Variants in ARHGAP29 observed in about 807,000 individuals in gnomAD.
ARHGAP29 encodes the protein Rho GTPase activating protein 29.
In ARHGAP29, 43 loss-of-function variants were observed where a neutral mutation model predicts 122.6. The ratio of observed to expected loss-of-function variants is 0.35; its 90% CI spans 0.27 to 0.45. ARHGAP29 has a LOEUF of 0.45. Ranked by LOEUF, ARHGAP29 falls within the 20% of genes least tolerant of loss-of-function variation. The probability of loss-of-function intolerance (pLI) is 1.00; values close to 1 mark genes in which losing one functional copy is unlikely to be tolerated. For synonymous variants in ARHGAP29, 506 were observed against 497.1 expected, an observed-to-expected ratio of 1.02 and a Z score of -0.24; for missense variants, 1,303 against 1,477.2, an observed-to-expected ratio of 0.88 and a Z score of 1.93.
rs746408620 is a variant in ARHGAP29, at chr1:94,231,568, CA to C, written c.43del (p.Trp15GlyfsTer20). ...KQKKTKKKRA[W>X]ASGQLSTDIT... ...ATCAGTAGAGAGTTGACCTGATGCCCAAGCACGTTTTTTCTTTGTCTTTTTC... is the reference window on the plus strand; with the variant it reads ...ATCAGTAGAGAGTTGACCTGATGCCCAGCACGTTTTTTCTTTGTCTTTTTC... On this transcript the variant is annotated frameshift_variant, in exon 2 of 23. Coordinates refer to ENST00000260526, the MANE Select transcript of ARHGAP29 (RefSeq NM_004815.4). LOFTEE classifies it high-confidence loss of function. 1.2e-6 allele frequency: 2 copies of C among 1,613,488 alleles called. No homozygotes were observed. Among genetic ancestry groups the C allele is most frequent in the Non-Finnish European group, 1.7e-6 (2 of 1,179,700 alleles).
At chr1:94,247,307 G>A (rs112996201) in intron 1 of ARHGAP29, among the ~76,000 whole-genome samples, 3,426 of 152,062 alleles carry the variant, frequency 0.023, 52 homozygotes, top group Non-Finnish European at 0.033. Context: ...GGGGAGTCCT[G>A]TAAGGGGAGG....
chr1:94,306,015 A>G, the ARHGAP29 span, among the ~76,000 whole-genome samples: 1 of 152,256 alleles, frequency 6.6e-6, no homozygotes, highest in East Asian at 1.9e-4. Flanking sequence ...CCAGCTTCCC[A>G]TAGCTGAAAG....
At chr1:94,222,796 T>C (rs529866231) in intron 2 of ARHGAP29, among the ~76,000 whole-genome samples, 2 of 152,296 alleles carry the variant, frequency 1.3e-5, no homozygotes, top group Admixed American at 1.3e-4. Context: ...ATACAGTGTA[T>C]AGGACTATAT....
upstream of ARHGAP29, among the ~76,000 whole-genome samples, chr1:94,276,257 CAAAA>C (rs76216097): frequency 1.6e-5 from 2 of 128,984 alleles, no homozygotes; most frequent in East Asian, 4.4e-4. Context: ...GACTCTGTCT[CAAAA>C]AAAAAAAAAG....
the ARHGAP29 span, chr1:94,302,409 G>T: frequency 5.6e-6 from 2 of 356,804 alleles, no homozygotes; most frequent in Non-Finnish European, 5.4e-6. Context: ...ATGCCCCCAC[G>T]TTCGTGATGG....
At chr1:94,220,169 G>A (rs368752493) in intron 3 of ARHGAP29, 89 bp downstream of exon 3, 10 of 1,384,520 alleles carry the variant, frequency 7.2e-6, no homozygotes, top group East Asian at 4.6e-5. Context: ...TGCAATGAGA[G>A]GAATTGGCTA....
chr1:94,245,696 C>A (rs1220476729), intron 1 of ARHGAP29, among the ~76,000 whole-genome samples: 1 of 152,092 alleles, frequency 6.6e-6, no homozygotes, highest in East Asian at 1.9e-4. Context: ...TACCTTGGGC[C>A]CCATCAATAT....
chr1:94,179,166 G>A (rs1649292338), intron 20 of ARHGAP29, among the ~76,000 whole-genome samples: 1 of 152,180 alleles, frequency 6.6e-6, no homozygotes, highest in South Asian at 2.1e-4. Context: ...CTGGCACACA[G>A]GAGGCATCTG....
chr1:94,246,427 GATTA>G (rs1183559474), intron 1 of ARHGAP29, among the ~76,000 whole-genome samples: 2 of 152,168 alleles, frequency 1.3e-5, no homozygotes, highest in African/African-American at 4.8e-5. Context: ...AATTCCCAAA[GATTA>G]ATAAAGAAAA....
chr1:94,185,028 T>C lies in ARHGAP29; in HGVS notation c.1953A>G (p.Glu651=). ...GATGACCACAAATAATGACTAAATT[T>C]TCCAAACACTTTCGATGACAAACAA... is the stretch of plus-strand genomic sequence containing the variant. The part of the protein sequence containing the change: ...CLLVCHRKCL[E]NLVIICGHQK... The change falls in exon 18 of 23, where the codon GAA becomes GAG. Residue 651 remains glutamate, a synonymous_variant. Coordinates refer to ENST00000260526, the MANE Select transcript of ARHGAP29 (RefSeq NM_004815.4). 6.2e-7 allele frequency: 1 copy of C among 1,612,056 alleles called. No individual in the cohort carries two copies. Among genetic ancestry groups the C allele is most frequent in the Non-Finnish European group, 8.5e-7 (1 of 1,179,402 alleles).
At chr1:94,270,623 C>T (rs1355569523) in intron 1 of ARHGAP29, among the ~76,000 whole-genome samples, 1 of 152,164 alleles carries the variant, frequency 6.6e-6, no homozygotes, top group Non-Finnish European at 1.5e-5. Flanking sequence ...ACACCAGCAC[C>T]TCTCCCTCAG....
chr1:94,210,880 C>T (rs935098014), intron 3 of ARHGAP29, among the ~76,000 whole-genome samples: 7 of 138,982 alleles, frequency 5.0e-5, no homozygotes, highest in Non-Finnish European at 3.1e-5. Flanking sequence ...TCCAGCCTGA[C>T]AGAGCAAAAC....
chr1:94,179,811 T>C lies in ARHGAP29; in HGVS notation c.2394A>G (p.Arg798=). 1 of 1,613,594 alleles carries C rather than the reference T, an allele frequency of 6.2e-7. No individual in the cohort carries two copies. The highest frequency in any genetic ancestry group is 8.5e-7 in the Non-Finnish European group (1 of 1,179,766). ...GAAGGTCTTTGCTTTTTAGAAGAAT[T>C]CGGTTTATTTCTATACACATATTTG... The part of the protein sequence containing the change: ...KWPNMCIEIN[R]ILLKSKDLLR... Residue 798 remains arginine (R), a synonymous_variant, in exon 20 of 23, where the codon CGA becomes CGG. Transcript: ENST00000260526.
At chr1:94,241,308 T>C (rs1373254261), upstream of ARHGAP29, among the ~76,000 whole-genome samples, 2 of 152,184 alleles carry the variant, frequency 1.3e-5, no homozygotes, top group African/African-American at 2.4e-5. Flanking sequence ...AATCTCTAGA[T>C]TATCCTTAAA....
At chr1:94,218,483 C>T (rs1454882427) in intron 3 of ARHGAP29, among the ~76,000 whole-genome samples, 2 of 152,204 alleles carry the variant, frequency 1.3e-5, no homozygotes, top group Admixed American at 6.5e-5. Flanking sequence ...ACCAACTATA[C>T]ACAGGCGCAC....
At chr1:94,278,837 A>G (rs1655267688), upstream of ARHGAP29, among the ~76,000 whole-genome samples, 1 of 152,238 alleles carries the variant, frequency 6.6e-6, no homozygotes, top group African/African-American at 2.4e-5. Flanking sequence ...GATCAACCCA[A>G]CTGTCAATAA....
In ARHGAP29 at chr1:94,170,728, T is replaced by C. The variant is rs1648682684; in HGVS notation, c.*3141A>G. On this transcript the variant is annotated 3_prime_UTR_variant, in exon 23 of 23. Transcript: ENST00000260526. The stretch of plus-strand genomic sequence containing the variant: ...ATGAACATCTTTACACGACTGAGTC[T>C]TCTAATTCGTGTACATTATGGAGTA... Among the ~76,000 whole-genome samples the C allele has an allele frequency of 6.6e-6, 1 of 152,238 alleles. No homozygotes were observed. Among genetic ancestry groups the C allele is most frequent in the Non-Finnish European group, 1.5e-5 (1 of 68,038 alleles).
intron 22 of ARHGAP29, 97 bp downstream of exon 22, chr1:94,177,515 T>C (rs1444122658): frequency 4.7e-6 from 4 of 856,792 alleles, no homozygotes; most frequent in Non-Finnish European, 7.0e-6. Context: ...CTTCATTCTC[T>C]GGCTTCCCTC....
intron 1 of ARHGAP29, among the ~76,000 whole-genome samples, chr1:94,244,885 C>G (rs1409225465): frequency 6.6e-6 from 1 of 152,050 alleles, no homozygotes; most frequent in Non-Finnish European, 1.5e-5. Flanking sequence ...ATCAGGAACT[C>G]TTACAATTCA....
Sources: allele counts gnomAD v4.1 joint callset (sites outside exome capture counted in the v4.1 genomes callset), GRCh38; gene constraint gnomAD v4.1.1; transcripts MANE v1.5; gene names NCBI Gene and HGNC (gene_info 2026-07-23, HGNC 2026-07-21).